TTLL1: variants seen among roughly 807,000 people sequenced by gnomAD.
The protein encoded by TTLL1 is TTL family tubulin polyglutamylase complex subunit L1, also known as polyglutamylase complex subunit TTLL1.
Under a neutral mutation model 47.8 loss-of-function variants are expected in TTLL1, and 33 were observed. The ratio of observed to expected loss-of-function variants is 0.69; its 90% CI spans 0.52 to 0.92. The LOEUF is 0.92. TTLL1 is among the 40% of genes least tolerant of loss of function. The pLI, the probability that TTLL1 is intolerant of heterozygous loss-of-function variation, is 0.00. For missense variants in TTLL1, 488 were observed against 547.5 expected (o/e 0.89, Z 1.08); for synonymous variants, 225 against 214.1 (o/e 1.05, Z -0.45).
chr22:43,064,454 G>T, intron 5 of TTLL1, 130 bp from the exon 6 acceptor site: 1 of 1,057,910 alleles, frequency 9.5e-7, no homozygotes, highest in Non-Finnish European at 1.3e-6. Context: ...GGCTGGGCGC[G>T]GTGGCTCACG....
chr22:43,080,063 T>G (rs1404382705), intron 1 of TTLL1, 77 bp from the exon 2 acceptor site: 1 of 152,144 alleles, frequency 6.6e-6, no homozygotes, highest in Non-Finnish European at 1.5e-5. Context: ...TGTTTGTTTT[T>G]GTTTTTTTGA....
At chr22:43,056,963 A>AT (rs1379342302) in intron 8 of TTLL1, among the ~76,000 whole-genome samples, 1 of 151,764 alleles carries the variant, frequency 6.6e-6, no homozygotes, top group African/African-American at 2.4e-5. Flanking sequence ...CGGCTAATTT[A>AT]TTTTTTATTT....
At chr22:43,046,674 GA>G in intron 9 of TTLL1, 101 bp from the exon 10 acceptor site, 2 of 1,408,666 alleles carry the variant, frequency 1.4e-6, no homozygotes, top group South Asian at 2.7e-5. Flanking sequence ...ACACTTTAGT[GA>G]AGTTTTTTTT....
chr22:43,044,018 T>C (rs1229381297), intron 10 of TTLL1, among the ~76,000 whole-genome samples: 4 of 152,050 alleles, frequency 2.6e-5, no homozygotes, highest in Non-Finnish European at 4.4e-5. Flanking sequence ...ATTATCTCCA[T>C]GGCAAGTGCT....
Position 43,056,676 on chromosome 22 carries a change from T to C in TTLL1, c.891+2708A>G, listed in dbSNP as rs543591938. ...GACGCGCACCTGTAGTCCCAGCTAC[T>C]TGGGAGGCTGAAGCAAGAGAATCTC... On this transcript the variant is annotated intron_variant, in intron 8 of 10. Coordinates refer to ENST00000266254, the MANE Select transcript of TTLL1 (RefSeq NM_012263.5). Among the ~76,000 whole-genome samples the C allele has an allele frequency of 4.1e-3, 615 of 151,832 alleles. 3 individuals carry two copies. Among genetic ancestry groups the C allele is most frequent in the Non-Finnish European group, 6.5e-3 (441 of 67,940 alleles).
At chr22:43,051,705 C>T (rs1195682249) in intron 9 of TTLL1, 96 bp downstream of exon 9, 32 of 1,172,350 alleles carry the variant, frequency 2.7e-5, no homozygotes, top group Non-Finnish European at 3.8e-5. Context: ...GCCTGAGAAA[C>T]ATCTGGGGCC....
intron 9 of TTLL1, 123 bp from the exon 10 acceptor site, chr22:43,046,696 T>C (rs866087017): frequency 2.6e-6 from 3 of 1,174,288 alleles, no homozygotes; most frequent in Non-Finnish European, 2.4e-6. Context: ...TGAGACAGAG[T>C]TTCGCTCTTG....
chr22:43,040,692 C>A (rs1240568970), intron 10 of TTLL1, among the ~76,000 whole-genome samples: 1 of 152,194 alleles, frequency 6.6e-6, no homozygotes, highest in East Asian at 1.9e-4. Context: ...GTGATCTGCC[C>A]ATTCGGCCTC....
At chr22:43,042,995 G>A (rs1307211916) in intron 10 of TTLL1, among the ~76,000 whole-genome samples, 5 of 149,062 alleles carry the variant, frequency 3.4e-5, no homozygotes, top group Admixed American at 6.7e-5. Context: ...GCTGGAGTGC[G>A]GTGGCACGAT....
chr22:43,051,654 A>G (rs1926629311), intron 9 of TTLL1, 147 bp downstream of exon 9: 7 of 770,934 alleles, frequency 9.1e-6, no homozygotes, highest in South Asian at 6.2e-5. Context: ...CTTAACCATC[A>G]GCAAACAATC....
At chr22:43,079,557 G>A (rs760769) in intron 2 of TTLL1, among the ~76,000 whole-genome samples, 42,316 of 152,156 alleles carry the variant, frequency 0.28, 6,959 homozygotes, top group Non-Finnish European at 0.36. Context: ...CCCAACCACC[G>A]CCGTCCAGGC....
At chr22:43,040,903 G>A (rs1020358528) in intron 10 of TTLL1, among the ~76,000 whole-genome samples, 1 of 152,212 alleles carries the variant, frequency 6.6e-6, no homozygotes, top group Non-Finnish European at 1.5e-5. Flanking sequence ...CAGCATCTGG[G>A]CAAGTCCTGG....
chr22:43,039,616 T>C lies in TTLL1; in HGVS notation c.*160A>G. 1.2e-6 allele frequency: 1 copy of C among 828,204 alleles called. No homozygotes were observed. The highest frequency in any genetic ancestry group is 1.8e-5 in the African/African-American group (1 of 56,392). 51.3% of individuals were successfully genotyped at this position (828,204 alleles called of 1,614,324 possible). A position where few individuals can be genotyped will look rare whatever the true frequency, so the allele number is the denominator to read the frequency against. ...ATACATCCGCATGAATTGTTTCCTT[T>C]AGCACTAGTCAAACAGACTCCATAA... On this transcript the variant is annotated 3_prime_UTR_variant, in exon 11 of 11. Transcript: ENST00000266254.
chr22:43,076,237 CCTGAGGTTGGGAG>C (rs1569444640), intron 2 of TTLL1, among the ~76,000 whole-genome samples: 2,299 of 151,386 alleles, frequency 0.015, 35 homozygotes, highest in South Asian at 0.049. Flanking sequence ...AGGCGGATCG[CCTGAGGTTGGGAG>C]TTCAAGACCA....
chr22:43,088,630 AC>A (rs1444031554), intron 1 of TTLL1, among the ~76,000 whole-genome samples: 1 of 151,596 alleles, frequency 6.6e-6, no homozygotes, highest in Non-Finnish European at 1.5e-5. Context: ...GGCGTGAGCC[AC>A]CGTGCCCGGC....
At chr22:43,075,647 A>G in intron 2 of TTLL1, 57 bp from the exon 3 acceptor site, 1 of 1,482,888 alleles carries the variant, frequency 6.7e-7, no homozygotes, top group Non-Finnish European at 9.4e-7. Context: ...TTCCCTTTAA[A>G]CCCAAGGAAT....
chr22:43,039,957 G>C, intron 10 of TTLL1, 52 bp from the exon 11 acceptor site: 1 of 1,588,720 alleles, frequency 6.3e-7, no homozygotes, highest in Non-Finnish European at 8.6e-7. Flanking sequence ...AAAGGCAACA[G>C]GCAGGGCCAC....
At chr22:43,048,383 C>T (rs1926321321) in intron 9 of TTLL1, among the ~76,000 whole-genome samples, 1 of 151,524 alleles carries the variant, frequency 6.6e-6, no homozygotes, top group African/African-American at 2.4e-5. Context: ...ACCTATAACT[C>T]CAGCACTTTG....
intron 9 of TTLL1, among the ~76,000 whole-genome samples, chr22:43,051,057 G>A (rs992265975): frequency 2.0e-5 from 3 of 152,230 alleles, no homozygotes; most frequent in Non-Finnish European, 4.4e-5. Context: ...AAATGTGACC[G>A]AGATGAAGGG....
Sources: allele counts gnomAD v4.1 joint callset (sites outside exome capture counted in the v4.1 genomes callset), GRCh38; gene constraint gnomAD v4.1.1; transcripts MANE v1.5; gene names NCBI Gene and HGNC (gene_info 2026-07-23, HGNC 2026-07-21).